The following TRIM71 variants were observed in gnomAD, a reference collection of about 807,000 sequenced individuals.
The protein encoded by TRIM71 is E3 ubiquitin-protein ligase TRIM71.
In TRIM71, 9 loss-of-function variants were observed where a neutral mutation model predicts 61.2. That is an observed-to-expected ratio of 0.15 (90% confidence interval 0.09 to 0.26). TRIM71 has a LOEUF of 0.26. Among genes scored for constraint, TRIM71 ranks in the 10% least tolerant of loss-of-function variants. TRIM71 has a pLI of 1.00. For synonymous variants in TRIM71, 645 were observed against 553.2 expected (o/e 1.17, Z -2.33); for missense variants, 998 against 1,238.7 (o/e 0.81, Z 2.92).
chr3:32,882,748 G>A (rs1209602271), intron 2 of TRIM71, among the ~76,000 whole-genome samples: 2 of 152,016 alleles, frequency 1.3e-5, no homozygotes, highest in Non-Finnish European at 2.9e-5. Flanking sequence ...CTCACTCTTG[G>A]CCAGGCTGAT....
chr3:32,881,626 T>C (rs1696907813), intron 2 of TRIM71, among the ~76,000 whole-genome samples: 1 of 152,222 alleles, frequency 6.6e-6, no homozygotes, highest in Admixed American at 6.5e-5. Context: ...ATCCCAAAGA[T>C]GGTTAAATTT....
chr3:32,881,166 C>T (rs959925730), intron 2 of TRIM71, among the ~76,000 whole-genome samples: 2 of 151,902 alleles, frequency 1.3e-5, no homozygotes, highest in African/African-American at 4.8e-5. Flanking sequence ...TTACAGGTAC[C>T]CGTCACCACA....
At chr3:32,887,156 C>T (rs1039984092) in intron 3 of TRIM71, among the ~76,000 whole-genome samples, 2 of 152,156 alleles carry the variant, frequency 1.3e-5, no homozygotes, top group Admixed American at 1.3e-4. Context: ...GCCACAAACT[C>T]GCTCTTCTGG....
intron 1 of TRIM71, among the ~76,000 whole-genome samples, chr3:32,841,070 C>A (rs1011594642): frequency 4.6e-5 from 7 of 151,626 alleles, no homozygotes; most frequent in Admixed American, 3.3e-4. Context: ...CCTGGTGAAA[C>A]CCCATCTGTA....
intron 1 of TRIM71, among the ~76,000 whole-genome samples, chr3:32,872,224 A>C (rs1696804132): frequency 6.6e-6 from 1 of 152,238 alleles, no homozygotes; most frequent in African/African-American, 2.4e-5. Context: ...CAAAAGTAAA[A>C]ACACAATATC....
chr3:32,862,703 G>A (rs1696684651), intron 1 of TRIM71, among the ~76,000 whole-genome samples: 1 of 152,308 alleles, frequency 6.6e-6, no homozygotes, highest in East Asian at 1.9e-4. Flanking sequence ...ATTTACATGG[G>A]CAGTGATCTC....
At position 32,890,771 on chromosome 3, in the gene TRIM71, C is replaced by T. The variant is rs375901232; in HGVS notation, c.1567C>T (p.Leu523=). The change falls in exon 4 of 4, where the codon CTG becomes TTG. Residue 523 remains leucine, a synonymous_variant. Transcript: ENST00000383763. The surrounding 1 kb of genome is among the most constrained non-coding windows in gnomAD (Gnocchi z 6.2). ...TGAGCCCCGCCTCTCAGGAGGCGACCTGATGTCGGCTGTGGTCCTGGGCCC... is the reference window on the plus strand; with the variant it reads ...TGAGCCCCGCCTCTCAGGAGGCGACTTGATGTCGGCTGTGGTCCTGGGCCC... ...DGEPRLSGGD[L]MSAVVLGPDG... 1 of 1,614,154 alleles carries T rather than the reference C, an allele frequency of 6.2e-7. No individual in the cohort carries two copies. The highest frequency in any genetic ancestry group is 1.3e-5 in the African/African-American group (1 of 75,072).
chr3:32,821,127 C>T (rs1206587990), intron 1 of TRIM71, among the ~76,000 whole-genome samples: 1 of 152,142 alleles, frequency 6.6e-6, no homozygotes, highest in Admixed American at 6.6e-5. Flanking sequence ...CTTTTGATCT[C>T]GTTAACAGTT....
rs1453905958 is a variant in TRIM71 at position 32,892,054 on chromosome 3, A to G, written c.*243A>G. 2.1e-6 allele frequency: 1 copy of G among 471,540 alleles called. No individual in the cohort carries two copies. The highest frequency in any genetic ancestry group is 3.6e-6 in the Non-Finnish European group (1 of 278,754). 29.2% of individuals were successfully genotyped at this position (471,540 alleles called of 1,614,324 possible). A position where few individuals can be genotyped will look rare whatever the true frequency, so the allele number is the denominator to read the frequency against. ...GCAGGGATTGAGCCTGTGAAGTGAT[A>G]ATTTCTATCTACCTCATAAATCTTT... On this transcript the variant is annotated 3_prime_UTR_variant, in exon 4 of 4. Coordinates refer to ENST00000383763, the MANE Select transcript of TRIM71 (RefSeq NM_001039111.3).
rs1697052085 is a variant in TRIM71, at chr3:32,893,801, T to C, written c.*1990T>C. On this transcript the variant is annotated 3_prime_UTR_variant, in exon 4 of 4. Coordinates refer to ENST00000383763, the MANE Select transcript of TRIM71 (RefSeq NM_001039111.3). Reference sequence around the variant, plus strand: ...CGTTTAATTTACTACTACTACAAGCTACTCTGTCTCTTCCCATTGCTTTAA... The same window carrying C: ...CGTTTAATTTACTACTACTACAAGCCACTCTGTCTCTTCCCATTGCTTTAA... 6.6e-6 allele frequency: 1 copy of C among 152,122 alleles called. No individual in the cohort carries two copies. Among genetic ancestry groups the C allele is most frequent in the Admixed American group, 6.5e-5 (1 of 15,274 alleles). 9.4% of individuals were successfully genotyped at this position (152,122 alleles called of 1,614,324 possible).
chr3:32,818,479 G>C lies in TRIM71; in HGVS notation c.399G>C (p.Lys133Asn), dbSNP rs756759285. 85 of 1,446,126 alleles carry C rather than the reference G, an allele frequency of 5.9e-5. No homozygotes were observed. In the South Asian group the frequency reaches 1.1e-3, roughly 18 times the overall value. The allele number at this position is 1,446,126 out of a possible 1,614,324, so 89.6% of individuals were successfully genotyped here. The change falls in exon 1 of 4, where the codon AAG becomes AAC. Residue 133 changes from lysine to asparagine, a missense_variant. Around this residue, in one of 5 missense-constraint regions of TRIM71, gnomAD observed 527 missense variants for 427.8 expected, o/e 1.23. Transcript: ENST00000383763. ...VVATADEPPP[K>N]NGRAGAPAGA... is the part of the protein sequence containing the mutation. ...CCACTGCCGACGAGCCGCCGCCCAA[G>C]AACGGGCGCGCCGGCGCTCCGGCGG...
intron 1 of TRIM71, among the ~76,000 whole-genome samples, chr3:32,828,997 A>ATT (rs747345127): frequency 9.4e-5 from 13 of 138,712 alleles, no homozygotes; most frequent in South Asian, 2.3e-4. Flanking sequence ...GAAAGCACTA[A>ATT]TTTTTTTTTT....
intron 1 of TRIM71, among the ~76,000 whole-genome samples, chr3:32,858,429 G>A (rs1403798277): frequency 6.6e-6 from 1 of 152,144 alleles, no homozygotes; most frequent in Non-Finnish European, 1.5e-5. Flanking sequence ...TTAAAAATTA[G>A]CAGTGAACAC....
At chr3:32,857,507 A>T (rs1301386037) in intron 1 of TRIM71, among the ~76,000 whole-genome samples, 2 of 152,228 alleles carry the variant, frequency 1.3e-5, no homozygotes, top group East Asian at 3.8e-4. Flanking sequence ...CGCCCTGTAC[A>T]GTCAAATTTG....
At chr3:32,853,254 T>C (rs1696559749) in intron 1 of TRIM71, among the ~76,000 whole-genome samples, 1 of 151,904 alleles carries the variant, frequency 6.6e-6, no homozygotes, top group Non-Finnish European at 1.5e-5. Flanking sequence ...GTAGCTGGGA[T>C]TACAGGTGCA....
At chr3:32,843,799 G>A (rs1010364040) in intron 1 of TRIM71, among the ~76,000 whole-genome samples, 4 of 152,108 alleles carry the variant, frequency 2.6e-5, no homozygotes, top group Admixed American at 6.6e-5. Context: ...CTTTCCTGTC[G>A]TGCTGCTTTC....
At chr3:32,881,073 C>T (rs570899146) in intron 2 of TRIM71, among the ~76,000 whole-genome samples, 13 of 152,082 alleles carry the variant, frequency 8.5e-5, no homozygotes, top group Non-Finnish European at 1.8e-4. Flanking sequence ...GGCTGGAGTT[C>T]AGTGCCACGA....
chr3:32,863,805 T>C (rs1333016138), intron 1 of TRIM71, among the ~76,000 whole-genome samples: 13 of 151,996 alleles, frequency 8.6e-5, no homozygotes, highest in Non-Finnish European at 1.6e-4. Flanking sequence ...CCTCAGCTTC[T>C]TGAGTAGCTG....
chr3:32,827,919 G>A (rs1438607923), intron 1 of TRIM71, among the ~76,000 whole-genome samples: 4 of 152,172 alleles, frequency 2.6e-5, no homozygotes, highest in African/African-American at 9.7e-5. Flanking sequence ...TTCTTGAAAT[G>A]CCAGTGGATT....
Sources: gnomAD v4.1 joint callset for allele counts (sites outside exome capture counted in the v4.1 genomes callset) on GRCh38, gnomAD v4.1.1 for gene constraint, gnomAD v4.1.1 regional missense constraint, Gnocchi (gnomAD v3.1) non-coding constraint, MANE v1.5 for transcripts, NCBI Gene and HGNC (gene_info 2026-07-23, HGNC 2026-07-21) for gene names.